EYS: variants seen among roughly 807,000 people sequenced by gnomAD.
The protein encoded by EYS is EGF-like photoreceptor maintenance factor.
EYS carries 250 observed loss-of-function variants against 282.1 expected under a neutral mutation model. That is an observed-to-expected ratio of 0.89 (90% CI 0.80 to 0.98). The LOEUF is 0.98. Ranked by LOEUF, EYS falls within the 50% of genes least tolerant of loss-of-function variation. The probability of loss-of-function intolerance (pLI) is 0.00; values close to 1 mark genes in which losing one functional copy is unlikely to be tolerated. For missense variants in EYS, 4,016 were observed against 3,709.0 expected, an observed-to-expected ratio of 1.08 and a Z score of -2.15; for synonymous variants, 1,355 against 1,282.9, an observed-to-expected ratio of 1.06 and a Z score of -1.20.
At chr6:64,578,766 A>C (rs1011402927) in intron 26 of EYS, among the ~76,000 whole-genome samples, 4 of 152,090 alleles carry the variant, frequency 2.6e-5, no homozygotes, top group African/African-American at 9.7e-5. Flanking sequence ...GTGTATTCAC[A>C]ATAAAATATG....
intron 2 of EYS, among the ~76,000 whole-genome samples, chr6:65,628,985 C>T (rs9342488): frequency 0.029 from 4,433 of 152,198 alleles, 278 homozygotes; most frequent in East Asian, 0.29. Context: ...TAACCACAAC[C>T]ATTAAAAAGC....
rs79079021 is a variant in EYS at position 65,496,983 on chromosome 6, T to C, written c.-332-990A>G. ...TTCAGTTCTACATATTATAAATCTA[T>C]GAAATATAAATTCATGTGACAAATA... On this transcript the variant is annotated intron_variant, in intron 2 of 42. Transcript: ENST00000503581. Among the ~76,000 whole-genome samples, 72 of 152,126 alleles carry C rather than the reference T, an allele frequency of 4.7e-4. 1 individual carries two copies. In the East Asian group the frequency reaches 0.014, roughly 29 times the overall value.
rs935885849 is a variant in EYS at position 64,511,973 on chromosome 6, A to G, written c.5645-72621T>C. Among the ~76,000 whole-genome samples the G allele has an allele frequency of 2.6e-5, 4 of 152,086 alleles. No homozygotes were observed. In the East Asian group the frequency reaches 7.7e-4, roughly 29 times the overall value. ...ATGGCAGTATCTGAAGAGACCATCA[A>G]TAGTTCCTGCTAATTGTTCTCAACT... On this transcript the variant is annotated intron_variant, in intron 26 of 42. Coordinates refer to ENST00000503581, the MANE Select transcript of EYS (RefSeq NM_001142800.2).
chr6:64,633,916 C>A (rs1767879723), intron 22 of EYS, among the ~76,000 whole-genome samples: 1 of 152,124 alleles, frequency 6.6e-6, no homozygotes, highest in Admixed American at 6.5e-5. Flanking sequence ...AAGCCAGCAC[C>A]ACCCAGACAA....
intron 13 of EYS, among the ~76,000 whole-genome samples, chr6:65,002,306 A>G (rs80168702): frequency 0.01 from 1,487 of 147,936 alleles, 53 homozygotes; most frequent in African/African-American, 0.035. Flanking sequence ...ATTTTAAAAT[A>G]CAATCTTGGA....
At chr6:65,374,597 C>T (rs770818818) in intron 8 of EYS, among the ~76,000 whole-genome samples, 3 of 151,432 alleles carry the variant, frequency 2.0e-5, no homozygotes, top group East Asian at 4.0e-4. Flanking sequence ...GGGAGCAAAG[C>T]GGTCTGGCTC....
At chr6:65,554,639 A>ACAAGACTG (rs1768725966) in intron 2 of EYS, among the ~76,000 whole-genome samples, 1 of 152,166 alleles carries the variant, frequency 6.6e-6, no homozygotes, top group Non-Finnish European at 1.5e-5. Context: ...TCCCCCAGAC[A>ACAAGACTG]CAAGACTGAG....
chr6:64,749,568 TG>T (rs1351392938), intron 22 of EYS, among the ~76,000 whole-genome samples: 1 of 152,202 alleles, frequency 6.6e-6, no homozygotes, highest in Non-Finnish European at 1.5e-5. Context: ...GAACTTCTTC[TG>T]CTGCTTCTAC....
chr6:64,150,695 T>TAA (rs143572331), intron 31 of EYS, among the ~76,000 whole-genome samples: 1 of 151,920 alleles, frequency 6.6e-6, no homozygotes, highest in African/African-American at 2.4e-5. Context: ...GTTAAACATA[T>TAA]AAAAAAATCC....
At chr6:65,426,349 G>T (rs1214732277) in intron 5 of EYS, among the ~76,000 whole-genome samples, 1 of 151,812 alleles carries the variant, frequency 6.6e-6, no homozygotes, top group Admixed American at 6.6e-5. Context: ...CCTGTTGTTG[G>T]CTACTAAATA....
At chr6:64,449,296 A>C (rs1237706744) in intron 26 of EYS, among the ~76,000 whole-genome samples, 1 of 152,150 alleles carries the variant, frequency 6.6e-6, no homozygotes, top group East Asian at 1.9e-4. Flanking sequence ...TGTGAAGAAA[A>C]GGTTAGAGAA....
intron 35 of EYS, among the ~76,000 whole-genome samples, chr6:63,895,148 TAA>T (rs61327096): frequency 0.065 from 9,645 of 149,014 alleles, 354 homozygotes; most frequent in South Asian, 0.13. Flanking sequence ...TTGTGAGCGA[TAA>T]AAAAAAAAAA....
chr6:64,914,569 C>G (rs1768105110), intron 15 of EYS, among the ~76,000 whole-genome samples: 1 of 152,024 alleles, frequency 6.6e-6, no homozygotes. Context: ...CCAGATATAT[C>G]AAGGCCCTTT....
At chr6:65,101,061 G>C (rs1207961111) in intron 12 of EYS, among the ~76,000 whole-genome samples, 1 of 150,918 alleles carries the variant, frequency 6.6e-6, no homozygotes, top group Non-Finnish European at 1.5e-5. Context: ...GAATCATTGG[G>C]ATGGTAAGAA....
intron 22 of EYS, among the ~76,000 whole-genome samples, chr6:64,660,197 TA>T (rs1768945644): frequency 6.6e-6 from 1 of 152,192 alleles, no homozygotes; most frequent in Non-Finnish European, 1.5e-5. Flanking sequence ...CACTTCATGC[TA>T]AAAACTCTCA....
intron 29 of EYS, among the ~76,000 whole-genome samples, chr6:64,374,600 G>A (rs190014836): frequency 6.6e-6 from 1 of 152,108 alleles, no homozygotes; most frequent in Non-Finnish European, 1.5e-5. Context: ...TGCTTCTTGT[G>A]TTCCCCTTCT....
intron 22 of EYS, among the ~76,000 whole-genome samples, chr6:64,708,120 G>C (rs1469576832): frequency 1.3e-5 from 2 of 152,178 alleles, no homozygotes; most frequent in Admixed American, 1.3e-4. Context: ...ACAAGTGTAA[G>C]TATAAGATGT....
At chr6:64,848,381 A>T (rs2150039893) in intron 19 of EYS, among the ~76,000 whole-genome samples, 1 of 152,258 alleles carries the variant, frequency 6.6e-6, no homozygotes, top group East Asian at 1.9e-4. Flanking sequence ...ATTGCAGAAT[A>T]GGTAAACAGC....
intron 18 of EYS, among the ~76,000 whole-genome samples, chr6:64,892,382 A>C (rs1230330059): frequency 6.6e-6 from 1 of 151,970 alleles, no homozygotes; most frequent in East Asian, 1.9e-4. Flanking sequence ...ATGTGTTTGC[A>C]ATAAAATTAA....
Sources: allele counts gnomAD v4.1 joint callset (sites outside exome capture counted in the v4.1 genomes callset), GRCh38; gene constraint gnomAD v4.1.1; transcripts MANE v1.5; gene names NCBI Gene and HGNC (gene_info 2026-07-23, HGNC 2026-07-21).